Variants in CA8 observed in about 807,000 individuals in gnomAD.
CA8 encodes carbonic anhydrase-related protein.
In CA8, 22 loss-of-function variants were observed where a neutral mutation model predicts 41.4. That is an observed-to-expected ratio of 0.53 (90% CI 0.38 to 0.76). The LOEUF is 0.76. Ranked by LOEUF, CA8 falls within the 30% of genes least tolerant of loss-of-function variation. CA8 has a pLI of 0.00. For synonymous variants in CA8, 121 were observed against 130.6 expected (o/e 0.93, Z 0.50); for missense variants, 270 against 352.8 (o/e 0.77, Z 1.88).
At chr8:60,223,305 T>G (rs1807312407) in intron 6 of CA8, among the ~76,000 whole-genome samples, 1 of 152,082 alleles carries the variant, frequency 6.6e-6, no homozygotes, top group Admixed American at 6.5e-5. Context: ...TTTTTTTTCT[T>G]AAGAGACAGG....
At chr8:60,244,970 G>A (rs1348731682) in intron 3 of CA8, among the ~76,000 whole-genome samples, 1 of 152,154 alleles carries the variant, frequency 6.6e-6, no homozygotes, top group Non-Finnish European at 1.5e-5. Context: ...GGCAACTAAT[G>A]TCTCATGACC....
chr8:60,275,020 G>A (rs1804186637), intron 2 of CA8, among the ~76,000 whole-genome samples: 1 of 152,152 alleles, frequency 6.6e-6, no homozygotes, highest in South Asian at 2.1e-4. Context: ...AAGGAAATGT[G>A]GACTTGCTAA....
chr8:60,246,950 C>T (rs1808266212), intron 3 of CA8, among the ~76,000 whole-genome samples: 1 of 134,096 alleles, frequency 7.5e-6, no homozygotes, highest in African/African-American at 2.8e-5. Flanking sequence ...GTGGCGCGAT[C>T]TCGGCTCACT....
intron 3 of CA8, among the ~76,000 whole-genome samples, chr8:60,261,427 T>C (rs1227707472): frequency 6.6e-6 from 1 of 152,156 alleles, no homozygotes; most frequent in Non-Finnish European, 1.5e-5. Flanking sequence ...CAATTCACTC[T>C]TCAATCATAG....
At chr8:60,277,740 A>G (rs561252679) in intron 2 of CA8, among the ~76,000 whole-genome samples, 1 of 152,348 alleles carries the variant, frequency 6.6e-6, no homozygotes, top group Non-Finnish European at 1.5e-5. Context: ...AGAGCTTACA[A>G]ATGGTTCCTC....
chr8:60,275,781 T>C (rs1000333563), intron 2 of CA8, among the ~76,000 whole-genome samples: 2 of 152,150 alleles, frequency 1.3e-5, no homozygotes, highest in African/African-American at 2.4e-5. Context: ...CCAAGGCATA[T>C]GGTTGTAACA....
At chr8:60,213,766 C>CTT (rs111255981) in intron 7 of CA8, among the ~76,000 whole-genome samples, 3 of 145,070 alleles carry the variant, frequency 2.1e-5, no homozygotes, top group African/African-American at 7.6e-5. Flanking sequence ...TTTCTTTTGA[C>CTT]TTTTTTTTTT....
chr8:60,237,128 A>G (rs1397674653), intron 3 of CA8, among the ~76,000 whole-genome samples: 2 of 152,180 alleles, frequency 1.3e-5, no homozygotes, highest in African/African-American at 4.8e-5. Context: ...GTGCTCTCAT[A>G]AAAGACCTCT....
At chr8:60,226,145 T>C (rs1807431510) in intron 5 of CA8, among the ~76,000 whole-genome samples, 1 of 152,182 alleles carries the variant, frequency 6.6e-6, no homozygotes, top group African/African-American at 2.4e-5. Flanking sequence ...AAATTTTTAT[T>C]TGTTTCATTT....
At chr8:60,191,456 C>T (rs935067622) in intron 8 of CA8, among the ~76,000 whole-genome samples, 2 of 152,036 alleles carry the variant, frequency 1.3e-5, no homozygotes, top group African/African-American at 2.4e-5. Context: ...TAAAAAACAA[C>T]AACCTGGTTG....
At chr8:60,218,825 C>T (rs942729925) in intron 7 of CA8, among the ~76,000 whole-genome samples, 8 of 152,136 alleles carry the variant, frequency 5.3e-5, no homozygotes, top group South Asian at 4.1e-4. Flanking sequence ...AGTGACTATA[C>T]GACCCACGGC....
At chr8:60,194,761 A>G (rs1476189027) in intron 8 of CA8, among the ~76,000 whole-genome samples, 1 of 152,158 alleles carries the variant, frequency 6.6e-6, no homozygotes, top group African/African-American at 2.4e-5. Flanking sequence ...CACATCTGCT[A>G]AATCTGTTAC....
intron 8 of CA8, among the ~76,000 whole-genome samples, chr8:60,207,345 G>C (rs1055560574): frequency 3.9e-5 from 6 of 152,152 alleles, no homozygotes; most frequent in Admixed American, 3.9e-4. Context: ...CATATACAAT[G>C]TCTACACCCA....
intron 2 of CA8, among the ~76,000 whole-genome samples, 197 bp from the exon 3 acceptor site, chr8:60,266,246 C>T (rs1182067612): frequency 6.6e-6 from 1 of 152,062 alleles, no homozygotes; most frequent in Non-Finnish European, 1.5e-5. Context: ...CTTGTATTGG[C>T]CATTCAGACA....
At chr8:60,252,391 C>G (rs1013202344) in intron 3 of CA8, among the ~76,000 whole-genome samples, 11 of 152,218 alleles carry the variant, frequency 7.2e-5, no homozygotes, top group African/African-American at 2.7e-4. Context: ...TTAAGACCAT[C>G]GGACTTTAAA....
intron 2 of CA8, among the ~76,000 whole-genome samples, chr8:60,269,182 T>C (rs1803991523): frequency 6.6e-6 from 1 of 152,212 alleles, no homozygotes; most frequent in African/African-American, 2.4e-5. Flanking sequence ...CAGCTTCTAT[T>C]TTATCCATCT....
chr8:60,224,385 T>G, intron 6 of CA8, 152 bp downstream of exon 6: 1 of 598,580 alleles, frequency 1.7e-6, no homozygotes, highest in South Asian at 2.1e-5. Flanking sequence ...CTTCCATATT[T>G]AGAGTAATCT....
At chr8:60,267,366 C>T (rs893248874) in intron 2 of CA8, among the ~76,000 whole-genome samples, 3 of 152,150 alleles carry the variant, frequency 2.0e-5, no homozygotes, top group Admixed American at 6.5e-5. Flanking sequence ...GCTCAAACAA[C>T]GAAGACAAGG....
intron 4 of CA8, 76 bp downstream of exon 4, chr8:60,232,208 A>G: frequency 9.1e-7 from 1 of 1,093,122 alleles, no homozygotes; most frequent in Admixed American, 1.7e-5. Context: ...AATAAAATTG[A>G]GAATAAAAAA....
Sources: allele counts gnomAD v4.1 joint callset (sites outside exome capture counted in the v4.1 genomes callset), GRCh38; gene constraint gnomAD v4.1.1; transcripts MANE v1.5; gene names NCBI Gene and HGNC (gene_info 2026-07-23, HGNC 2026-07-21).